The following PLEKHH2 variants were observed in gnomAD, a reference collection of about 807,000 sequenced individuals.
PLEKHH2 encodes pleckstrin homology, MyTH4 and FERM domain containing H2, also known as pleckstrin homology domain-containing family H member 2.
PLEKHH2 carries 129 observed loss-of-function variants against 187.9 expected under a neutral mutation model. That is an observed-to-expected ratio of 0.69 (90% CI 0.59 to 0.79). The LOEUF (loss-of-function observed/expected upper bound fraction) is 0.79, where lower values mean the gene tolerates loss of function less well. Ranked by LOEUF, PLEKHH2 falls within the 30% of genes least tolerant of loss-of-function variation. The probability of loss-of-function intolerance (pLI) is 0.00; values close to 1 mark genes in which losing one functional copy is unlikely to be tolerated. For missense variants in PLEKHH2, 2,076 were observed against 1,751.2 expected (o/e 1.19, Z -3.31); for synonymous variants, 686 against 605.6 (o/e 1.13, Z -1.95).
At chr2:43,675,282 G>C (rs1261971791) in intron 2 of PLEKHH2, 1 of 716,624 alleles carries the variant, frequency 1.4e-6, no homozygotes, top group East Asian at 2.8e-5. Flanking sequence ...ATTATTGAAT[G>C]AAGTACGTAT....
chr2:43,695,187 A>T lies in PLEKHH2; in HGVS notation c.465A>T (p.Gln155His). ...NQNLRLINQN[Q>H]TEEIRTMQSK... ...ATCTTCGTTTGATCAACCAAAACCAAACTGAAGAGATAAGAACAATGCAGT... is the reference window on the plus strand; with the variant it reads ...ATCTTCGTTTGATCAACCAAAACCATACTGAAGAGATAAGAACAATGCAGT... Residue 155 changes from glutamine (Q) to histidine (H), a missense_variant, in exon 6 of 30, where the codon CAA becomes CAT. Physicochemically the swap from Gln to His is conservative, Grantham distance 24. Coordinates refer to ENST00000282406, the MANE Select transcript of PLEKHH2 (RefSeq NM_172069.4). 2 of 1,600,046 alleles carry T rather than the reference A, an allele frequency of 1.2e-6. No homozygotes were observed. Among genetic ancestry groups the T allele is most frequent in the African/African-American group, 1.3e-5 (1 of 74,850 alleles).
intron 1 of PLEKHH2, among the ~76,000 whole-genome samples, chr2:43,640,911 G>T (rs1255385354): frequency 1.3e-5 from 2 of 149,872 alleles, no homozygotes; most frequent in Non-Finnish European, 3.0e-5. Flanking sequence ...CAACCCCCAA[G>T]TAGCTGGGAC....
At chr2:43,637,883 C>T (rs923469467) in intron 1 of PLEKHH2, among the ~76,000 whole-genome samples, 10 of 152,198 alleles carry the variant, frequency 6.6e-5, no homozygotes, top group Admixed American at 2.6e-4. Context: ...CGTCAAAGCA[C>T]CCTAAGGTGA....
At chr2:43,760,359 C>CTTTT (rs763777313) in intron 27 of PLEKHH2, among the ~76,000 whole-genome samples, 47 of 119,048 alleles carry the variant, frequency 3.9e-4, no homozygotes, top group African/African-American at 6.9e-4. Flanking sequence ...ACCCTTTAAC[C>CTTTT]TTTTTTTTTT....
At chr2:43,746,747 G>A (rs971188957) in intron 24 of PLEKHH2, among the ~76,000 whole-genome samples, 2 of 151,948 alleles carry the variant, frequency 1.3e-5, no homozygotes, top group African/African-American at 4.8e-5. Flanking sequence ...GAGGCAGGTG[G>A]ATCACGAGGT....
rs1396466445 is a variant in PLEKHH2, at chr2:43,729,736, G to A, written c.2821G>A (p.Gly941Arg). The A allele has an allele frequency of 2.5e-6, 4 of 1,592,442 alleles. No individual in the cohort carries two copies. Among genetic ancestry groups the A allele is most frequent in the East Asian group, 4.5e-5 (2 of 44,458 alleles). Residue 941 changes from glycine (G) to arginine (R), a missense_variant, in exon 18 of 30, where the codon GGG (glycine) becomes AGG (arginine). Gly to Arg is a moderately radical substitution (Grantham distance 125, BLOSUM62 -2). Transcript: ENST00000282406. ...GGTTTGCAAATTGCTAAATATAGAC[G>A]GGGAGCCTTGTAAGTTCATAAACAT... ...QLVCKLLNID[G>R]EPSSQIWRHP...
At position 43,647,888 on chromosome 2, in the gene PLEKHH2, G is replaced by A. The variant is rs561440433; in HGVS notation, c.123+3092G>A. On this transcript the variant is annotated intron_variant, in intron 2 of 29. Transcript: ENST00000282406. ...TCTAGTTCTTAGTTCCATTTTATTA[G>A]TTATGGCTATAGGAAGCTGACTCTA... Among the ~76,000 whole-genome samples, 144 of 152,206 alleles carry A rather than the reference G, an allele frequency of 9.5e-4. 1 individual carries two copies. The highest frequency in any genetic ancestry group is 3.4e-3 in the African/African-American group (140 of 41,514).
chr2:43,682,523 T>C (rs977745112), intron 3 of PLEKHH2, among the ~76,000 whole-genome samples: 7 of 152,084 alleles, frequency 4.6e-5, no homozygotes, highest in African/African-American at 1.7e-4. Context: ...GCCAGGCTGG[T>C]CTCGAACTCC....
At chr2:43,669,009 G>A (rs533128229) in intron 2 of PLEKHH2, among the ~76,000 whole-genome samples, 1 of 152,274 alleles carries the variant, frequency 6.6e-6, no homozygotes, top group Admixed American at 6.5e-5. Context: ...ATGGTCAGCT[G>A]GTTGAGCTAA....
intron 15 of PLEKHH2, among the ~76,000 whole-genome samples, chr2:43,719,286 A>G (rs1460797176): frequency 6.6e-6 from 1 of 152,176 alleles, no homozygotes; most frequent in African/African-American, 2.4e-5. Context: ...TTAACTTAGT[A>G]CCTGATATAC....
In PLEKHH2 at chr2:43,643,101, C is replaced by T. The variant is rs571767816; in HGVS notation, c.-3-1570C>T. On this transcript the variant is annotated intron_variant, in intron 1 of 29. Coordinates refer to ENST00000282406, the MANE Select transcript of PLEKHH2 (RefSeq NM_172069.4). ...CCAGAACTGTGAACGTGTTTGTGAT[C>T]GACAAACTGCATTATCTACTCCTAA... Among the ~76,000 whole-genome samples, 11 of 152,102 alleles carry T rather than the reference C, an allele frequency of 7.2e-5. No homozygotes were observed. In the South Asian group the frequency reaches 1.2e-3, roughly 17 times the overall value.
chr2:43,755,890 G>A (rs1205767394), intron 25 of PLEKHH2, among the ~76,000 whole-genome samples: 3 of 152,282 alleles, frequency 2.0e-5, no homozygotes, highest in South Asian at 2.1e-4. Context: ...GTTTTCTTAA[G>A]GGCTGAGCCT....
intron 2 of PLEKHH2, among the ~76,000 whole-genome samples, chr2:43,669,406 G>C (rs1273888272): frequency 6.6e-6 from 1 of 152,090 alleles, no homozygotes; most frequent in Non-Finnish European, 1.5e-5. Flanking sequence ...ACAACTCTTT[G>C]AATATACTAA....
chr2:43,717,980 T>C (rs1207502100), intron 15 of PLEKHH2, among the ~76,000 whole-genome samples: 1 of 152,182 alleles, frequency 6.6e-6, no homozygotes. Context: ...TGGTGGAGAA[T>C]GCTACAGGGA....
At chr2:43,758,464 G>C (rs919002175) in intron 26 of PLEKHH2, among the ~76,000 whole-genome samples, 1 of 152,092 alleles carries the variant, frequency 6.6e-6, no homozygotes, top group Non-Finnish European at 1.5e-5. Flanking sequence ...CGTTGGCCAG[G>C]CTGGTCTTAA....
At position 43,692,589 on chromosome 2, in the gene PLEKHH2, T is replaced by G. The variant is rs774892086; in HGVS notation, c.262T>G (p.Cys88Gly). 2 of 1,608,696 alleles carry G rather than the reference T, an allele frequency of 1.2e-6. No individual in the cohort carries two copies. Among genetic ancestry groups the G allele is most frequent in the Non-Finnish European group, 1.7e-6 (2 of 1,175,650 alleles). ...SESETRLYNKCQDLESLIQEK... is the reference protein window; with the variant it reads ...SESETRLYNKGQDLESLIQEK... The stretch of plus-strand genomic sequence containing the variant: ...ATCAGAGACAAGATTATATAATAAG[T>G]GTCAAGATCTGGAGTCGCTAATACA... Residue 88 changes from cysteine to glycine, a missense_variant, in exon 4 of 30, where the codon TGT becomes GGT. Physicochemically the swap from Cys to Gly is radical, Grantham distance 159. Transcript: ENST00000282406.
chr2:43,675,448 C>G (rs114646662), intron 2 of PLEKHH2: 5 of 1,613,000 alleles, frequency 3.1e-6, no homozygotes, highest in Non-Finnish European at 4.2e-6. Context: ...TGCCCTGAGC[C>G]GGTACAGGCC....
chr2:43,648,514 A>G (rs1054097837), intron 2 of PLEKHH2, among the ~76,000 whole-genome samples: 2 of 151,222 alleles, frequency 1.3e-5, no homozygotes, highest in Admixed American at 6.6e-5. Flanking sequence ...CTGAATGGAC[A>G]CACTGGTTAA....
chr2:43,738,298 A>C, intron 19 of PLEKHH2, 43 bp from the exon 20 acceptor site: 10 of 1,463,750 alleles, frequency 6.8e-6, no homozygotes, highest in Non-Finnish European at 9.4e-6. Flanking sequence ...GAATAAATCT[A>C]ATCACTCCTC....
Sources: gnomAD v4.1 joint callset for allele counts (sites outside exome capture counted in the v4.1 genomes callset) on GRCh38, gnomAD v4.1.1 for gene constraint, MANE v1.5 for transcripts, NCBI Gene and HGNC (gene_info 2026-07-23, HGNC 2026-07-21) for gene names.